LRRC20: variants seen among roughly 807,000 people sequenced by gnomAD.
LRRC20 encodes leucine-rich repeat-containing protein 20.
In LRRC20, 11 loss-of-function variants were observed where a neutral mutation model predicts 14.4. That is an observed-to-expected ratio of 0.77 (90% confidence interval 0.48 to 1.27). The LOEUF is 1.27. Ranked by LOEUF, LRRC20 falls within the 50% of genes most tolerant of loss-of-function variation. The pLI is 0.00. For synonymous variants in LRRC20, 121 were observed against 107.3 expected, an observed-to-expected ratio of 1.13 and a Z score of -0.79; for missense variants, 219 against 251.2, an observed-to-expected ratio of 0.87 and a Z score of 0.87.
rs373588441 is a variant in LRRC20, at chr10:70,368,157, CT to C, written c.82+8294del. 7.3e-3 allele frequency among the ~76,000 whole-genome samples: 749 copies of C among 102,788 alleles called. 7 individuals carry two copies. The highest frequency in any genetic ancestry group is 0.027 in the African/African-American group (674 of 24,888). 67.4% of individuals were successfully genotyped at this position (102,788 alleles called of 152,430 possible). A position where few individuals can be genotyped will look rare whatever the true frequency, so the allele number is the denominator to read the frequency against. On this transcript the variant is annotated intron_variant, in intron 2 of 4. Coordinates refer to ENST00000446961, the MANE Select transcript of LRRC20 (RefSeq NM_001278212.2). ...CATCACCATGCCTGGCTAATTTTTGCTTTTTTTTTTTTTTTTTTGAAACGGA... is the reference window on the plus strand; with the variant it reads ...CATCACCATGCCTGGCTAATTTTTGCTTTTTTTTTTTTTTTTTGAAACGGA...
At chr10:70,371,936 G>A (rs549238758) in intron 2 of LRRC20, among the ~76,000 whole-genome samples, 2 of 152,262 alleles carry the variant, frequency 1.3e-5, no homozygotes, top group South Asian at 4.1e-4. Flanking sequence ...GAGCACTGGG[G>A]GAGCATGTGA....
chr10:70,380,653 C>A (rs558986599), intron 1 of LRRC20, among the ~76,000 whole-genome samples: 57 of 152,366 alleles, frequency 3.7e-4, no homozygotes, highest in African/African-American at 1.3e-3. Context: ...GAAAGCACTC[C>A]AAATCCCAGA....
intron 4 of LRRC20, among the ~76,000 whole-genome samples, chr10:70,307,782 C>G (rs189165131): frequency 6.6e-6 from 1 of 152,340 alleles, no homozygotes; most frequent in Non-Finnish European, 1.5e-5. Context: ...AGGCAGGATC[C>G]CTGCACCTGA....
At chr10:70,344,487 T>C (rs1453039109) in intron 2 of LRRC20, among the ~76,000 whole-genome samples, 1 of 151,922 alleles carries the variant, frequency 6.6e-6, no homozygotes, top group Non-Finnish European at 1.5e-5. Context: ...CAATATAAAA[T>C]ATAGAGAAAT....
In LRRC20 at chr10:70,301,354, C is replaced by A; in HGVS notation, c.555G>T (p.Ter185TyrextTer50). The A allele has an allele frequency of 6.2e-7, 1 of 1,611,428 alleles. No homozygotes were observed. Among genetic ancestry groups the A allele is most frequent in the Non-Finnish European group, 8.5e-7 (1 of 1,179,426 alleles). ...GCTGGGTGGGCATGAGGAGGGTGGCCTAAGGTAGGGGGGCTCTTGCGCCTT... is the reference window on the plus strand; with the variant it reads ...GCTGGGTGGGCATGAGGAGGGTGGCATAAGGTAGGGGGGCTCTTGCGCCTT... Reference protein sequence around the residue: ...SPEGARAPLP* With the variant: ...SPEGARAPLPY Residue 185 changes from the stop codon to tyrosine (Y), a stop_lost, in exon 5 of 5, where the codon TAG becomes TAT. Transcript: ENST00000446961.
At chr10:70,327,055 C>T (rs1842355205) in intron 3 of LRRC20, among the ~76,000 whole-genome samples, 1 of 152,240 alleles carries the variant, frequency 6.6e-6, no homozygotes, top group Non-Finnish European at 1.5e-5. Context: ...TAAGAAGCAT[C>T]TACCCCTGGA....
At chr10:70,329,241 T>C (rs559522238) in intron 3 of LRRC20, among the ~76,000 whole-genome samples, 1 of 152,280 alleles carries the variant, frequency 6.6e-6, no homozygotes, top group East Asian at 1.9e-4. Flanking sequence ...AAAAGAAGGT[T>C]ATTTCAGATC....
At chr10:70,306,147 C>T (rs1001551384) in intron 4 of LRRC20, among the ~76,000 whole-genome samples, 5 of 152,072 alleles carry the variant, frequency 3.3e-5, no homozygotes, top group African/African-American at 4.8e-5. Flanking sequence ...CACACACACA[C>T]ACGCTTTTTT....
chr10:70,342,548 C>T (rs897647050), intron 2 of LRRC20, among the ~76,000 whole-genome samples: 1 of 152,156 alleles, frequency 6.6e-6, no homozygotes, highest in Non-Finnish European at 1.5e-5. Context: ...CAAGGTGTCA[C>T]TCAAGTTCCC....
chr10:70,375,270 G>A (rs370604203), intron 2 of LRRC20, among the ~76,000 whole-genome samples: 3 of 152,160 alleles, frequency 2.0e-5, no homozygotes, highest in Admixed American at 1.3e-4. Context: ...ACTTCCACAC[G>A]TTTACAAAGT....
Position 70,322,798 on chromosome 10 carries a change from T to G in LRRC20, c.400+1065A>C, listed in dbSNP as rs574434273. On this transcript the variant is annotated intron_variant, in intron 4 of 4. Coordinates refer to ENST00000446961, the MANE Select transcript of LRRC20 (RefSeq NM_001278212.2). Reference sequence around the variant, plus strand: ...CATGATGTGTTTGGGCCTCGTTTGATTCATCTGTCCAAGGAAAGACTCAGA... The same window carrying G: ...CATGATGTGTTTGGGCCTCGTTTGAGTCATCTGTCCAAGGAAAGACTCAGA... Among the ~76,000 whole-genome samples, 5 of 152,160 alleles carry G rather than the reference T, an allele frequency of 3.3e-5. No individual in the cohort carries two copies. The South Asian group carries it at 1.0e-3, about 32-fold the overall frequency.
intron 3 of LRRC20, among the ~76,000 whole-genome samples, chr10:70,328,907 G>C (rs771582216): frequency 2.6e-5 from 4 of 152,202 alleles, no homozygotes; most frequent in Non-Finnish European, 5.9e-5. Context: ...AACAGAGTGA[G>C]AGCGAGACTC....
At chr10:70,340,405 C>T (rs76892698) in intron 3 of LRRC20, 148 bp downstream of exon 3, 9 of 880,100 alleles carry the variant, frequency 1.0e-5, no homozygotes, top group South Asian at 1.7e-5. Context: ...AGGGAGAACA[C>T]AGGTCCATTT....
Position 70,375,577 on chromosome 10 carries a change from C to CAG in LRRC20, c.82+874_82+875insCT, listed in dbSNP as rs1844477102. Among the ~76,000 whole-genome samples the CAG allele has an allele frequency of 7.3e-5, 11 of 150,902 alleles. No individual in the cohort carries two copies. In the South Asian group the frequency reaches 1.5e-3, roughly 20 times the overall value. ...CCTTTGTGAGACAGACAGACAGACA[C>CAG]ACACACACACACACCCCTACCTGCC... On this transcript the variant is annotated intron_variant, in intron 2 of 4. Coordinates refer to ENST00000446961, the MANE Select transcript of LRRC20 (RefSeq NM_001278212.2).
At chr10:70,349,956 A>G (rs1356233477) in intron 2 of LRRC20, among the ~76,000 whole-genome samples, 1 of 152,162 alleles carries the variant, frequency 6.6e-6, no homozygotes, top group Non-Finnish European at 1.5e-5. Flanking sequence ...TTCTACAGAC[A>G]AAAAGGAGAG....
rs540168823 is a variant in LRRC20 at position 70,375,123 on chromosome 10, T to C, written c.82+1329A>G. Among the ~76,000 whole-genome samples, 3 of 152,182 alleles carry C rather than the reference T, an allele frequency of 2.0e-5. No homozygotes were observed. The East Asian group carries it at 5.8e-4, about 29-fold the overall frequency. On this transcript the variant is annotated intron_variant, in intron 2 of 4. Coordinates refer to ENST00000446961, the MANE Select transcript of LRRC20 (RefSeq NM_001278212.2). ...ACTGACCAGTACAGGATTCCGGAAT[T>C]CCTTCACTGAGGGCTCACAGTCATC...
chr10:70,305,828 C>T (rs1032019704), intron 4 of LRRC20, among the ~76,000 whole-genome samples: 1 of 151,664 alleles, frequency 6.6e-6, no homozygotes, highest in Non-Finnish European at 1.5e-5. Flanking sequence ...GCAAGCTCCG[C>T]CTCCCGGGTT....
At chr10:70,359,977 C>T (rs996522404) in intron 2 of LRRC20, among the ~76,000 whole-genome samples, 1 of 148,864 alleles carries the variant, frequency 6.7e-6, no homozygotes, top group African/African-American at 2.5e-5. Flanking sequence ...AGTGCAGTGG[C>T]GTGATCTCGG....
At chr10:70,314,813 C>T (rs1841797807) in intron 4 of LRRC20, among the ~76,000 whole-genome samples, 1 of 152,122 alleles carries the variant, frequency 6.6e-6, no homozygotes, top group Non-Finnish European at 1.5e-5. Context: ...TGACTGCCTA[C>T]CTGGCCTAGG....
Sources: allele counts gnomAD v4.1 joint callset (sites outside exome capture counted in the v4.1 genomes callset), GRCh38; gene constraint gnomAD v4.1.1; transcripts MANE v1.5; gene names NCBI Gene and HGNC (gene_info 2026-07-23, HGNC 2026-07-21).